The following MYRIP variants were observed in gnomAD, a reference collection of about 807,000 sequenced individuals.
MYRIP encodes myosin VIIA and Rab interacting protein, also known as rab effector MyRIP.
A neutral mutation model predicts 98.0 loss-of-function variants in MYRIP; 49 were observed. The ratio of observed to expected loss-of-function variants is 0.50; its 90% CI spans 0.40 to 0.63. The LOEUF (loss-of-function observed/expected upper bound fraction) is 0.63, where lower values mean the gene tolerates loss of function less well. MYRIP is among the 30% of genes least tolerant of loss of function. The probability of loss-of-function intolerance (pLI) is 0.00; values close to 1 mark genes in which losing one functional copy is unlikely to be tolerated. For missense variants in MYRIP, 1,004 were observed against 1,058.2 expected (o/e 0.95, Z 0.71); for synonymous variants, 404 against 409.5 (o/e 0.99, Z 0.16).
intron 11 of MYRIP, among the ~76,000 whole-genome samples, chr3:40,217,236 A>G (rs572868149): frequency 1.8e-4 from 28 of 152,242 alleles, no homozygotes; most frequent in African/African-American, 6.7e-4. Context: ...AAAAAAATGG[A>G]AAGCATCCCA....
rs371552415 is a variant in MYRIP at position 40,145,168 on chromosome 3, T to C, written c.333-5880T>C. ...TGCTCAAGACCACACTTGTAGTAAA[T>C]GCCAGGGTCTGGGCCACTTCCACCA... On this transcript the variant is annotated intron_variant, in intron 3 of 16. Transcript: ENST00000302541. Among the ~76,000 whole-genome samples, 229 of 152,304 alleles carry C rather than the reference T, an allele frequency of 1.5e-3. 7 individuals carry two copies. In the South Asian group the frequency reaches 0.045, roughly 30 times the overall value.
At chr3:39,886,876 C>G (rs1465076490) in intron 1 of MYRIP, among the ~76,000 whole-genome samples, 1 of 152,128 alleles carries the variant, frequency 6.6e-6, no homozygotes, top group African/African-American at 2.4e-5. Flanking sequence ...CCCAAATCAA[C>G]AGAATATACA....
At chr3:39,867,638 C>G (rs1051763033) in intron 1 of MYRIP, among the ~76,000 whole-genome samples, 1 of 152,052 alleles carries the variant, frequency 6.6e-6, no homozygotes, top group East Asian at 1.9e-4. Flanking sequence ...TATCAAGAAA[C>G]AAGAGATAAC....
intron 8 of MYRIP, among the ~76,000 whole-genome samples, chr3:40,170,532 G>A (rs1950590605): frequency 6.6e-6 from 1 of 152,204 alleles, no homozygotes; most frequent in African/African-American, 2.4e-5. Context: ...CTGGACACAG[G>A]AAGTCACAGT....
chr3:39,827,748 C>T lies in MYRIP; in HGVS notation c.-31+17832C>T, dbSNP rs368406488. On this transcript the variant is annotated intron_variant, in intron 1 of 16. Coordinates refer to ENST00000302541, the MANE Select transcript of MYRIP (RefSeq NM_015460.4). The stretch of plus-strand genomic sequence containing the variant: ...TGGTAGTTACTGTCTTTTCACTTCC[C>T]CATGGAAGATGCCCTTGAGCATCTT... Among the ~76,000 whole-genome samples the T allele has an allele frequency of 2.6e-5, 4 of 152,200 alleles. No homozygotes were observed. In the East Asian group the frequency reaches 7.7e-4, roughly 29 times the overall value.
Position 40,251,905 on chromosome 3 carries a change from T to A in MYRIP, c.2453T>A (p.Val818Glu), listed in dbSNP as rs1451266049. The part of the protein sequence containing the change: ...VKAEKIETSS[V>E]TTIKTFNHNF... ...GCTGAAAAAATTGAGACATCTTCAGTGACTACCATTAAAACATTTAACCAC... is the reference window on the plus strand; with the variant it reads ...GCTGAAAAAATTGAGACATCTTCAGAGACTACCATTAAAACATTTAACCAC... Residue 818 changes from valine to glutamate, a missense_variant, in exon 16 of 17, where the codon GTG (valine) becomes GAG (glutamate). Around this residue, in one of 3 missense-constraint regions of MYRIP, gnomAD observed 108 missense variants for 111.1 expected, o/e 0.97. Coordinates refer to ENST00000302541, the MANE Select transcript of MYRIP (RefSeq NM_015460.4). The A allele has an allele frequency of 6.2e-7, 1 of 1,613,242 alleles. No homozygotes were observed. The highest frequency in any genetic ancestry group is 2.2e-5 in the East Asian group (1 of 44,872).
intron 2 of MYRIP, among the ~76,000 whole-genome samples, chr3:40,032,960 G>A (rs534905400): frequency 6.6e-6 from 1 of 151,998 alleles, no homozygotes; most frequent in Non-Finnish European, 1.5e-5. Flanking sequence ...CAGAACCAAA[G>A]ACAAAAACCA....
rs1025524544 is a variant in MYRIP at position 39,884,732 on chromosome 3, G to A, written c.-30-16055G>A. ...AGTTCTTGAAGAACTTTCCATATTC[G>A]CTCATAAATAATTTTTCTTCCTTTT... On this transcript the variant is annotated intron_variant, in intron 1 of 16. Transcript: ENST00000302541. 1.9e-4 allele frequency among the ~76,000 whole-genome samples: 28 copies of A among 150,834 alleles called. 1 individual carries two copies. The highest frequency in any genetic ancestry group is 6.6e-4 in the Admixed American group (10 of 15,158).
intron 3 of MYRIP, among the ~76,000 whole-genome samples, chr3:40,095,464 G>A (rs1189764236): frequency 6.6e-6 from 1 of 152,166 alleles, no homozygotes; most frequent in Non-Finnish European, 1.5e-5. Flanking sequence ...CCTGAAAAGA[G>A]GGGCAGGACC....
chr3:40,246,719 GGGT>G (rs1278196609), intron 13 of MYRIP, among the ~76,000 whole-genome samples: 1 of 152,056 alleles, frequency 6.6e-6, no homozygotes, highest in African/African-American at 2.4e-5. Context: ...AGTGAATTGG[GGGT>G]CCCGAGATTT....
At chr3:40,180,137 C>T (rs1950851922) in intron 8 of MYRIP, among the ~76,000 whole-genome samples, 1 of 152,192 alleles carries the variant, frequency 6.6e-6, no homozygotes, top group Non-Finnish European at 1.5e-5. Flanking sequence ...GGAGATGACA[C>T]TCAGCCAAAA....
At chr3:39,991,955 G>A (rs1051686116) in intron 2 of MYRIP, among the ~76,000 whole-genome samples, 3 of 152,080 alleles carry the variant, frequency 2.0e-5, no homozygotes, top group Non-Finnish European at 4.4e-5. Context: ...GTATATATTA[G>A]ATTAAATAAC....
chr3:40,029,116 G>A (rs1172762952), intron 2 of MYRIP, among the ~76,000 whole-genome samples: 1 of 152,056 alleles, frequency 6.6e-6, no homozygotes, highest in Non-Finnish European at 1.5e-5. Context: ...TAGTATCTCT[G>A]AGATATCGAT....
At position 40,151,107 on chromosome 3, in the gene MYRIP, G is replaced by A. The variant is rs138774955; in HGVS notation, c.392G>A (p.Arg131His). The A allele has an allele frequency of 2.0e-5, 32 of 1,610,474 alleles. No homozygotes were observed. Among genetic ancestry groups the A allele is most frequent in the Admixed American group, 5.0e-5 (3 of 59,620 alleles). ...FYNNVKSRFK[R>H]FGSAKVLKNL... is the part of the protein sequence containing the mutation. ...AATAATGTGAAGAGCCGCTTCAAGC[G>A]CTTTGGCAGTGCCAAGGTTCTGAAG... Residue 131 changes from arginine to histidine, a missense_variant, in exon 4 of 17, where the codon CGC becomes CAC. Around this residue, in one of 3 missense-constraint regions of MYRIP, gnomAD observed 880 missense variants for 907.7 expected, o/e 0.97. Transcript: ENST00000302541.
At chr3:40,022,984 T>C (rs1389458597) in intron 2 of MYRIP, among the ~76,000 whole-genome samples, 1 of 152,130 alleles carries the variant, frequency 6.6e-6, no homozygotes, top group Non-Finnish European at 1.5e-5. Flanking sequence ...TGAGAAAATG[T>C]GAGACTGAAG....
At chr3:39,877,047 A>G (rs1463115487) in intron 1 of MYRIP, among the ~76,000 whole-genome samples, 1 of 151,924 alleles carries the variant, frequency 6.6e-6, no homozygotes, top group African/African-American at 2.4e-5. Flanking sequence ...GTTTCTTTTT[A>G]TTCTTTTTTC....
chr3:40,220,580 A>T lies in MYRIP; in HGVS notation c.1905+10487A>T, dbSNP rs189195905. Among the ~76,000 whole-genome samples, 349 of 152,292 alleles carry T rather than the reference A, an allele frequency of 2.3e-3. 2 individuals are homozygous for T. Among genetic ancestry groups the T allele is most frequent in the African/African-American group, 7.9e-3 (327 of 41,556 alleles). ...AAGAAGACATAGTGCTTAAATATAT[A>T]ATGGGTGAAGAATTAAGATCTTTAT... On this transcript the variant is annotated intron_variant, in intron 11 of 16. Transcript: ENST00000302541.
intron 3 of MYRIP, among the ~76,000 whole-genome samples, chr3:40,092,262 A>G (rs764917626): frequency 1.8e-4 from 27 of 152,100 alleles, no homozygotes; most frequent in Non-Finnish European, 2.5e-4. Context: ...CTTGTTCATC[A>G]TCAGCACCCT....
chr3:39,948,854 T>A (rs1411136620), intron 2 of MYRIP, among the ~76,000 whole-genome samples: 2 of 152,154 alleles, frequency 1.3e-5, no homozygotes, highest in Non-Finnish European at 2.9e-5. Context: ...TAGACTACTC[T>A]TAGTGAAGCT....
Sources: gnomAD v4.1 joint callset for allele counts (sites outside exome capture counted in the v4.1 genomes callset) on GRCh38, gnomAD v4.1.1 for gene constraint, gnomAD v4.1.1 regional missense constraint, MANE v1.5 for transcripts, NCBI Gene and HGNC (gene_info 2026-07-23, HGNC 2026-07-21) for gene names.